TTC7A: variants seen among roughly 807,000 people sequenced by gnomAD.
TTC7A encodes tetratricopeptide repeat protein 7A.
Under a neutral mutation model 103.7 loss-of-function variants are expected in TTC7A, and 110 were observed. That is an observed-to-expected ratio of 1.06 (90% CI 0.91 to 1.24). The LOEUF is 1.24. Ranked by LOEUF, TTC7A falls within the 50% of genes most tolerant of loss-of-function variation. The pLI, the probability that TTC7A is intolerant of heterozygous loss-of-function variation, is 0.00. For missense variants in TTC7A, 1,340 were observed against 1,116.3 expected (o/e 1.20, Z -2.86); for synonymous variants, 521 against 467.9 (o/e 1.11, Z -1.47).
chr2:46,961,405 A>G (rs1279197018), intron 3 of TTC7A, among the ~76,000 whole-genome samples: 5 of 151,824 alleles, frequency 3.3e-5, no homozygotes, highest in African/African-American at 4.8e-5. Flanking sequence ...GTGAAACCCT[A>G]TCTCTACTAA....
intron 19 of TTC7A, among the ~76,000 whole-genome samples, chr2:47,073,151 C>T (rs533956932): frequency 5.9e-5 from 9 of 152,278 alleles, no homozygotes; most frequent in African/African-American, 2.2e-4. Context: ...TCCCTGGTGG[C>T]AGTGGTGAAG....
intron 17 of TTC7A, 139 bp downstream of exon 17, chr2:47,050,185 A>C: frequency 4.2e-6 from 3 of 709,210 alleles, no homozygotes; most frequent in Non-Finnish European, 7.3e-6. Context: ...AGCTCGGGCA[A>C]CTTCTGGGGC....
intron 19 of TTC7A, among the ~76,000 whole-genome samples, chr2:47,070,082 A>G (rs565115931): frequency 5.9e-5 from 9 of 152,256 alleles, no homozygotes; most frequent in Admixed American, 1.3e-4. Context: ...AAGGAAGAAG[A>G]AGCATGCACA....
At chr2:47,030,319 C>T (rs2104597789) in intron 15 of TTC7A, among the ~76,000 whole-genome samples, 1 of 152,324 alleles carries the variant, frequency 6.6e-6, no homozygotes, top group Admixed American at 6.5e-5. Flanking sequence ...AGGGAAGCTT[C>T]AGTGGTGCCA....
rs766556373 is a variant in TTC7A at position 46,941,844 on chromosome 2, A to G, written c.184+119A>G. 27 of 1,306,836 alleles carry G rather than the reference A, an allele frequency of 2.1e-5. No homozygotes were observed. Among genetic ancestry groups the G allele is most frequent in the Non-Finnish European group, 2.7e-5 (26 of 945,940 alleles). 81.0% of individuals were successfully genotyped at this position (1,306,836 alleles called of 1,614,324 possible). A position where few individuals can be genotyped will look rare whatever the true frequency, so the allele number is the denominator to read the frequency against. On this transcript the variant is annotated intron_variant, in intron 1 of 19. Transcript: ENST00000319190. This position sits in a 1 kb window ranked among gnomAD's most constrained non-coding sequence, Gnocchi z 4.2. The stretch of plus-strand genomic sequence containing the variant: ...CGGGCGCCTGCCAGCCCACCGTGCT[A>G]GTCTTAAGAGCAGCCAGGGCAGTTA...
chr2:46,953,490 TCAGGTCA>T (rs1453894588), intron 2 of TTC7A, among the ~76,000 whole-genome samples: 2 of 152,116 alleles, frequency 1.3e-5, no homozygotes, highest in African/African-American at 4.8e-5. Flanking sequence ...CCCGCAAAGA[TCAGGTCA>T]CAGTTGGCGT....
At chr2:46,953,831 T>A (rs1452685113) in intron 2 of TTC7A, among the ~76,000 whole-genome samples, 1 of 151,944 alleles carries the variant, frequency 6.6e-6, no homozygotes, top group Non-Finnish European at 1.5e-5. Flanking sequence ...TTTTTTTTTT[T>A]TTCAATTTTT....
chr2:46,986,940 G>A (rs1412518011), intron 5 of TTC7A, among the ~76,000 whole-genome samples: 2 of 152,212 alleles, frequency 1.3e-5, no homozygotes, highest in Admixed American at 6.5e-5. Flanking sequence ...TGAGACTGCT[G>A]CCCAGTTCCT....
At chr2:46,987,752 G>A (rs1448141394) in intron 5 of TTC7A, among the ~76,000 whole-genome samples, 2 of 152,188 alleles carry the variant, frequency 1.3e-5, no homozygotes, top group East Asian at 3.8e-4. Flanking sequence ...TTCTAAGGGA[G>A]TTCCCCAGGG....
upstream of TTC7A, chr2:46,916,016 G>T (rs973617303): frequency 2.0e-6 from 2 of 985,458 alleles, no homozygotes; most frequent in African/African-American, 1.7e-5. Flanking sequence ...CTCCACTCCA[G>T]TTGGGCCGCT....
intron 3 of TTC7A, among the ~76,000 whole-genome samples, chr2:46,967,040 C>G (rs1277491484): frequency 6.6e-6 from 1 of 151,958 alleles, no homozygotes; most frequent in Non-Finnish European, 1.5e-5. Context: ...TGGCGAAACC[C>G]CATCTCTACT....
chr2:46,947,766 A>G (rs1031935061), intron 1 of TTC7A, among the ~76,000 whole-genome samples: 16 of 152,358 alleles, frequency 1.1e-4, no homozygotes, highest in African/African-American at 3.8e-4. Flanking sequence ...TACAATAAAA[A>G]TGAATTGCTA....
In TTC7A at chr2:47,060,987, C is replaced by T. The variant is rs905368797; in HGVS notation, c.2355+16C>T. On this transcript the variant is annotated intron_variant, in intron 19 of 19. Coordinates refer to ENST00000319190, the MANE Select transcript of TTC7A (RefSeq NM_020458.4). ...GCATAGCCTGGTGAGTCAGAGCCCC[C>T]CGCGCTCCCACCACCTCCTCCCACA... 2.5e-6 allele frequency: 4 copies of T among 1,577,216 alleles called. No individual in the cohort carries two copies. In the South Asian group the frequency reaches 4.5e-5, roughly 18 times the overall value.
In TTC7A at chr2:47,006,645, T is replaced by C; in HGVS notation, c.1208T>C (p.Leu403Pro). Reference sequence around the variant, plus strand: ...CTGACTATCTCCCCTCCCCAGTGCCTGGAGCGAGCCATGAAGTTTGCGTTT... The same window carrying C: ...CTGACTATCTCCCCTCCCCAGTGCCCGGAGCGAGCCATGAAGTTTGCGTTT... ...RGQYVMLSEC[L>P]ERAMKFAFGE... is the part of the protein sequence containing the mutation. Residue 403 changes from leucine to proline, a missense_variant, in exon 10 of 20, where the codon CTG becomes CCG. Leu to Pro is a moderately conservative substitution (Grantham distance 98). Coordinates refer to ENST00000319190, the MANE Select transcript of TTC7A (RefSeq NM_020458.4). 2.5e-6 allele frequency: 4 copies of C among 1,613,982 alleles called. No individual in the cohort carries two copies. Among genetic ancestry groups the C allele is most frequent in the Non-Finnish European group, 3.4e-6 (4 of 1,179,850 alleles).
chr2:46,941,409 C>CGCTGCCGCCCGGGCCCCA lies in TTC7A; in HGVS notation c.-116_-115insAGCTGCCGCCCGGGCCCC. The CGCTGCCGCCCGGGCCCCA allele has an allele frequency of 1.2e-6, 1 of 844,226 alleles. No homozygotes were observed. Among genetic ancestry groups the CGCTGCCGCCCGGGCCCCA allele is most frequent in the Non-Finnish European group, 1.5e-6 (1 of 659,128 alleles). 52.3% of individuals were successfully genotyped at this position (844,226 alleles called of 1,614,324 possible). A position where few individuals can be genotyped will look rare whatever the true frequency, so the allele number is the denominator to read the frequency against. On this transcript the variant is annotated 5_prime_UTR_variant, in exon 1 of 20. Transcript: ENST00000319190. The surrounding 1 kb of genome is among the most constrained non-coding windows in gnomAD (Gnocchi z 4.2). The stretch of plus-strand genomic sequence containing the variant: ...GCCCACCCTCCGCCGCCCGGGCCCC[C>CGCTGCCGCCCGGGCCCCA]GCTGCCGCCCGGGCCCCGGCTGCCG...
chr2:47,016,632 C>G (rs1343625132), intron 11 of TTC7A, among the ~76,000 whole-genome samples: 4 of 152,148 alleles, frequency 2.6e-5, no homozygotes, highest in East Asian at 3.9e-4. Context: ...GAAACTCACC[C>G]TAGAAGTATT....
intron 2 of TTC7A, among the ~76,000 whole-genome samples, chr2:46,953,203 G>C (rs1354390658): frequency 1.3e-5 from 2 of 152,194 alleles, no homozygotes; most frequent in African/African-American, 2.4e-5. Context: ...ACCCAGGCTG[G>C]AGTGCAGTGG....
chr2:47,063,613 G>C (rs918303844), intron 19 of TTC7A, among the ~76,000 whole-genome samples: 1 of 152,234 alleles, frequency 6.6e-6, no homozygotes, highest in African/African-American at 2.4e-5. Flanking sequence ...ACCAAGAGAG[G>C]AATGTGGAAG....
chr2:46,917,644 G>C (rs148921156), intron 2 of TTC7A, among the ~76,000 whole-genome samples: 46 of 152,208 alleles, frequency 3.0e-4, no homozygotes, highest in African/African-American at 1.0e-3. Context: ...TGTCTCTCTT[G>C]AATCTACAGT....
Sources: allele counts gnomAD v4.1 joint callset (sites outside exome capture counted in the v4.1 genomes callset), GRCh38; gene constraint gnomAD v4.1.1; non-coding constraint Gnocchi (gnomAD v3.1); transcripts MANE v1.5; gene names NCBI Gene and HGNC (gene_info 2026-07-23, HGNC 2026-07-21).